The following PRKCB variants were observed in gnomAD, a reference collection of about 807,000 sequenced individuals.
PRKCB encodes protein kinase C beta type.
PRKCB carries 13 observed loss-of-function variants against 81.5 expected under a neutral mutation model. That is an observed-to-expected ratio of 0.16 (90% CI 0.10 to 0.25). The LOEUF (loss-of-function observed/expected upper bound fraction) is 0.25. PRKCB is among the 10% of genes least tolerant of loss of function. The pLI is 1.00. For missense variants in PRKCB, 509 were observed against 875.7 expected, an observed-to-expected ratio of 0.58 and a Z score of 5.29; for synonymous variants, 335 against 321.4, an observed-to-expected ratio of 1.04 and a Z score of -0.45.
At chr16:23,886,860 G>A (rs1194504916) in intron 2 of PRKCB, among the ~76,000 whole-genome samples, 1 of 152,072 alleles carries the variant, frequency 6.6e-6, no homozygotes, top group Non-Finnish European at 1.5e-5. Flanking sequence ...TTTCCTTGGT[G>A]CATGTCCCTC....
At chr16:24,119,814 T>A (rs1596556638) in intron 8 of PRKCB, among the ~76,000 whole-genome samples, 1 of 152,170 alleles carries the variant, frequency 6.6e-6, no homozygotes, top group Non-Finnish European at 1.5e-5. Context: ...CCAGTCCAGA[T>A]ATCTTTGCTC....
At chr16:23,946,218 C>T (rs1006952787) in intron 2 of PRKCB, among the ~76,000 whole-genome samples, 40 of 152,198 alleles carry the variant, frequency 2.6e-4, no homozygotes, top group African/African-American at 8.2e-4. Flanking sequence ...ACATAAGCCA[C>T]CTCTGATTAT....
intron 2 of PRKCB, among the ~76,000 whole-genome samples, chr16:23,928,348 G>A (rs1271715433): frequency 1.3e-5 from 2 of 151,968 alleles, no homozygotes; most frequent in Non-Finnish European, 2.9e-5. Context: ...GGCTGGTCTC[G>A]AACTCCTGAC....
intron 2 of PRKCB, among the ~76,000 whole-genome samples, chr16:23,917,531 G>A (rs1963759674): frequency 6.6e-6 from 1 of 152,236 alleles, no homozygotes; most frequent in Non-Finnish European, 1.5e-5. Context: ...GAGGAAGGAT[G>A]TCCATTCGGA....
At chr16:24,047,296 T>G (rs1159175729) in intron 5 of PRKCB, among the ~76,000 whole-genome samples, 3 of 151,912 alleles carry the variant, frequency 2.0e-5, no homozygotes, top group African/African-American at 7.3e-5. Flanking sequence ...GAGCTGAGAT[T>G]GTGCCACCGC....
intron 5 of PRKCB, among the ~76,000 whole-genome samples, chr16:24,037,207 T>A (rs1045380281): frequency 6.6e-6 from 1 of 152,168 alleles, no homozygotes; most frequent in African/African-American, 2.4e-5. Context: ...CAGGCTGGTC[T>A]AGAACTCCTG....
At chr16:24,147,200 C>T (rs62028460) in intron 9 of PRKCB, among the ~76,000 whole-genome samples, 2 of 149,468 alleles carry the variant, frequency 1.3e-5, no homozygotes, top group South Asian at 2.1e-4. Flanking sequence ...CCCAGCTACT[C>T]GGGAGGCTGA....
At chr16:24,009,485 C>G (rs1307716583) in intron 3 of PRKCB, among the ~76,000 whole-genome samples, 1 of 148,112 alleles carries the variant, frequency 6.8e-6, no homozygotes, top group Non-Finnish European at 1.5e-5. Flanking sequence ...AGTGCAATGG[C>G]GTGATCCTGG....
At chr16:23,850,520 C>G (rs2141082016) in intron 2 of PRKCB, among the ~76,000 whole-genome samples, 1 of 152,238 alleles carries the variant, frequency 6.6e-6, no homozygotes, top group East Asian at 1.9e-4. Flanking sequence ...CATGCACCAC[C>G]ACGCCTGGCT....
chr16:23,871,898 C>G (rs1182020746), intron 2 of PRKCB, among the ~76,000 whole-genome samples: 1 of 147,942 alleles, frequency 6.8e-6, no homozygotes, highest in Non-Finnish European at 1.5e-5. Context: ...TTCATAGCAT[C>G]TGTAACTGTT....
intron 2 of PRKCB, among the ~76,000 whole-genome samples, chr16:23,858,297 C>T (rs889697197): frequency 8.2e-6 from 1 of 121,434 alleles, no homozygotes; most frequent in Non-Finnish European, 1.7e-5. Flanking sequence ...GAATTCAGGT[C>T]CATTCGAGTC....
intron 5 of PRKCB, among the ~76,000 whole-genome samples, chr16:24,042,736 A>G (rs994188563): frequency 8.0e-5 from 10 of 125,768 alleles, no homozygotes; most frequent in South Asian, 2.9e-4. Context: ...ACAATGATAC[A>G]TACAAAATTT....
chr16:24,021,044 T>TTC lies in PRKCB; in HGVS notation c.289-11090_289-11089dup, dbSNP rs1170298171. Among the ~76,000 whole-genome samples the TTC allele has an allele frequency of 3.1e-3, 242 of 77,956 alleles. 4 individuals are homozygous for TTC. Among genetic ancestry groups the TTC allele is most frequent in the African/African-American group, 0.013 (217 of 16,194 alleles). 51.1% of individuals were successfully genotyped at this position (77,956 alleles called of 152,430 possible). ...TCTTTCTTTCTTTCTTTCTTTCTCT[T>TTC]TCTTTCTTTCTTTCCCTCCCTCCCT... On this transcript the variant is annotated intron_variant, in intron 3 of 16. Coordinates refer to ENST00000643927, the MANE Select transcript of PRKCB (RefSeq NM_002738.7).
intron 2 of PRKCB, among the ~76,000 whole-genome samples, chr16:23,843,048 A>G (rs1962294437): frequency 6.6e-6 from 1 of 152,182 alleles, no homozygotes; most frequent in Admixed American, 6.5e-5. Flanking sequence ...ATCAATATTC[A>G]CCCTATCAAA....
chr16:24,019,949 C>T (rs1965337089), intron 3 of PRKCB, among the ~76,000 whole-genome samples: 1 of 152,166 alleles, frequency 6.6e-6, no homozygotes, highest in Admixed American at 6.5e-5. Context: ...CAGTGAATAA[C>T]TGTATCTGTA....
At chr16:23,881,020 C>T (rs996388233) in intron 2 of PRKCB, among the ~76,000 whole-genome samples, 1 of 152,158 alleles carries the variant, frequency 6.6e-6, no homozygotes, top group Non-Finnish European at 1.5e-5. Context: ...CTGTTACAAG[C>T]AGTGCTCTGA....
At chr16:23,852,346 T>C (rs538124394) in intron 2 of PRKCB, among the ~76,000 whole-genome samples, 1 of 152,138 alleles carries the variant, frequency 6.6e-6, no homozygotes, top group African/African-American at 2.4e-5. Flanking sequence ...TTTCAAGTGC[T>C]TTTTTTTCCT....
At chr16:23,850,563 C>T (rs939940642) in intron 2 of PRKCB, among the ~76,000 whole-genome samples, 7 of 152,144 alleles carry the variant, frequency 4.6e-5, no homozygotes, top group Admixed American at 4.6e-4. Flanking sequence ...CGGGGTTTCA[C>T]TGTGTTGGTG....
chr16:24,070,146 G>GTTT (rs376637927), intron 5 of PRKCB, among the ~76,000 whole-genome samples: 15 of 144,522 alleles, frequency 1.0e-4, no homozygotes, highest in African/African-American at 3.4e-4. Flanking sequence ...GAAACCAGGG[G>GTTT]ATTTTTTTTT....
Sources: gnomAD v4.1 joint callset for allele counts (sites outside exome capture counted in the v4.1 genomes callset) on GRCh38, gnomAD v4.1.1 for gene constraint, MANE v1.5 for transcripts, NCBI Gene and HGNC (gene_info 2026-07-23, HGNC 2026-07-21) for gene names.